Variants in LONP2 observed in about 807,000 individuals in gnomAD.
LONP2 encodes lon protease homolog 2, peroxisomal.
In LONP2, 60 loss-of-function variants were observed where a neutral mutation model predicts 85.6. That is an observed-to-expected ratio of 0.70 (90% CI 0.57 to 0.87). LONP2 has a LOEUF of 0.87. LONP2 is among the 40% of genes least tolerant of loss of function. The pLI is 0.00. For synonymous variants in LONP2, 395 were observed against 389.7 expected (o/e 1.01, Z -0.16); for missense variants, 860 against 1,063.5 (o/e 0.81, Z 2.66).
downstream of LONP2, among the ~76,000 whole-genome samples, chr16:48,359,318 T>C (rs1265142995): frequency 1.3e-5 from 2 of 152,206 alleles, no homozygotes; most frequent in African/African-American, 4.8e-5. Flanking sequence ...TGTAACCCTT[T>C]CACCATACAA....
In LONP2 at chr16:48,353,166, AAT is replaced by A. The variant is rs1960203215; in HGVS notation, c.*1368_*1369del. On this transcript the variant is annotated 3_prime_UTR_variant, in exon 15 of 15. Transcript: ENST00000285737. ...TGGACTTCAGAATCTTTTATTACAC[AAT>A]ATAAGAATATGTATGTAAAGACATT... 6.6e-6 allele frequency: 1 copy of A among 152,302 alleles called. No individual in the cohort carries two copies. Among genetic ancestry groups the A allele is most frequent in the Non-Finnish European group, 1.5e-5 (1 of 68,034 alleles). The allele number at this position is 152,302 out of a possible 1,614,324, so 9.4% of individuals were successfully genotyped here.
chr16:48,265,214 A>G (rs1971965678), intron 6 of LONP2, among the ~76,000 whole-genome samples: 1 of 152,004 alleles, frequency 6.6e-6, no homozygotes, highest in East Asian at 1.9e-4. Context: ...GAAGCTTTTC[A>G]GTTTGATATA....
chr16:48,307,826 T>C (rs956980941), intron 11 of LONP2, among the ~76,000 whole-genome samples: 2 of 152,242 alleles, frequency 1.3e-5, no homozygotes, highest in African/African-American at 4.8e-5. Context: ...AAAAGAGATT[T>C]GTTTGGGTCA....
chr16:48,263,075 A>G (rs933043751), intron 6 of LONP2, among the ~76,000 whole-genome samples: 7 of 152,248 alleles, frequency 4.6e-5, no homozygotes, highest in African/African-American at 1.7e-4. Flanking sequence ...GAGTTTCAGA[A>G]TAAGTATACA....
intron 11 of LONP2, among the ~76,000 whole-genome samples, chr16:48,330,834 C>A (rs1327344954): frequency 6.6e-6 from 1 of 152,178 alleles, no homozygotes; most frequent in Admixed American, 6.5e-5. Flanking sequence ...AATAACACAG[C>A]TGCTGTCCCT....
chr16:48,248,010 T>C (rs924335991), intron 1 of LONP2, among the ~76,000 whole-genome samples: 1 of 152,230 alleles, frequency 6.6e-6, no homozygotes, highest in Non-Finnish European at 1.5e-5. Flanking sequence ...TCTTAAAATA[T>C]AATTAAGGAA....
At chr16:48,265,120 C>A (rs2150972484) in intron 6 of LONP2, among the ~76,000 whole-genome samples, 1 of 152,246 alleles carries the variant, frequency 6.6e-6, no homozygotes, top group Admixed American at 6.5e-5. Context: ...ATATTAACCC[C>A]TTATCAGAAA....
chr16:48,340,971 A>G (rs1318346179), intron 12 of LONP2, among the ~76,000 whole-genome samples: 1 of 152,058 alleles, frequency 6.6e-6, no homozygotes, highest in Non-Finnish European at 1.5e-5. Context: ...AAGAGGTTTA[A>G]TTGGCTCACG....
chr16:48,320,082 C>T (rs1361572591), intron 11 of LONP2, among the ~76,000 whole-genome samples: 1 of 148,504 alleles, frequency 6.7e-6, no homozygotes, highest in Non-Finnish European at 1.5e-5. Context: ...ATCGCTTGAA[C>T]TTGGGGGGCG....
Position 48,356,852 on chromosome 16 carries a change from A to G in LONP2, c.*5050A>G, listed in dbSNP as rs1194452279. The G allele has an allele frequency of 5.5e-6, 1 of 181,760 alleles. No homozygotes were observed. Among genetic ancestry groups the G allele is most frequent in the African/African-American group, 2.4e-5 (1 of 42,194 alleles). The allele number at this position is 181,760 out of a possible 1,614,324, so 11.3% of individuals were successfully genotyped here. A position where few individuals can be genotyped will look rare whatever the true frequency, so the allele number is the denominator to read the frequency against. On this transcript the variant is annotated 3_prime_UTR_variant, in exon 15 of 15. Coordinates refer to ENST00000285737, the MANE Select transcript of LONP2 (RefSeq NM_031490.5). ...GACACTGTCAGCACATTTCTAGGCAATACAAACTCTTGAGGCTAAATCCTC... is the reference window on the plus strand; with the variant it reads ...GACACTGTCAGCACATTTCTAGGCAGTACAAACTCTTGAGGCTAAATCCTC...
chr16:48,292,253 A>G (rs1972570803), intron 8 of LONP2, among the ~76,000 whole-genome samples: 1 of 152,230 alleles, frequency 6.6e-6, no homozygotes, highest in Non-Finnish European at 1.5e-5. Context: ...ATGTGTAAAG[A>G]ATAAGCTATC....
intron 11 of LONP2, among the ~76,000 whole-genome samples, chr16:48,331,628 G>A (rs1388821668): frequency 2.0e-5 from 3 of 150,582 alleles, no homozygotes; most frequent in African/African-American, 4.9e-5. Context: ...GCAGTGGCGC[G>A]ATCTCCGCTC....
chr16:48,265,511 A>G (rs1971971367), intron 6 of LONP2, among the ~76,000 whole-genome samples: 1 of 151,156 alleles, frequency 6.6e-6, no homozygotes. Context: ...GCCCTTGTTG[A>G]AAATTGGTTG....
At chr16:48,329,953 C>T (rs879481152) in intron 11 of LONP2, among the ~76,000 whole-genome samples, 4 of 152,162 alleles carry the variant, frequency 2.6e-5, no homozygotes, top group African/African-American at 7.2e-5. Flanking sequence ...TTGTGTATTT[C>T]CCTAAGGATA....
At chr16:48,293,485 T>G (rs1567326905) in intron 8 of LONP2, among the ~76,000 whole-genome samples, 1 of 151,992 alleles carries the variant, frequency 6.6e-6, no homozygotes, top group Non-Finnish European at 1.5e-5. Flanking sequence ...CTCATGACGC[T>G]TATTAAAGGT....
chr16:48,299,699 G>A lies in LONP2; in HGVS notation c.1572G>A (p.Arg524=). Residue 524 remains arginine, a synonymous_variant, in exon 10 of 15, where the codon AGG becomes AGA. Coordinates refer to ENST00000285737, the MANE Select transcript of LONP2 (RefSeq NM_031490.5). The part of the protein sequence containing the change: ...TQEEKIEIAH[R]HLIPKQLEQH... Reference sequence around the variant, plus strand: ...AGGAGAAGATAGAGATTGCCCATAGGCACTTGATCCCCAAGCAGCTGGAAC... The same window carrying A: ...AGGAGAAGATAGAGATTGCCCATAGACACTTGATCCCCAAGCAGCTGGAAC... 6.2e-7 allele frequency: 1 copy of A among 1,613,818 alleles called. No individual in the cohort carries two copies. Among genetic ancestry groups the A allele is most frequent in the Non-Finnish European group, 8.5e-7 (1 of 1,179,872 alleles).
At chr16:48,277,917 A>C (rs1972247645) in intron 8 of LONP2, among the ~76,000 whole-genome samples, 2 of 144,394 alleles carry the variant, frequency 1.4e-5, no homozygotes, top group Non-Finnish European at 1.5e-5. Flanking sequence ...AGTTTTTGTC[A>C]TTTTCTATAG....
In LONP2 at chr16:48,256,660, T is replaced by C; in HGVS notation, c.519T>C (p.Arg173=). Residue 173 remains arginine (R), a synonymous_variant, in exon 3 of 15, where the codon CGT becomes CGC. Coordinates refer to ENST00000285737, the MANE Select transcript of LONP2 (RefSeq NM_031490.5). Reference sequence around the variant, plus strand: ...TCCCTGCAGTTGCTAAATTGAGACGTCTTTTAGATAGTCTTCCAAGGGAAG... The same window carrying C: ...TCCCTGCAGTTGCTAAATTGAGACGCCTTTTAGATAGTCTTCCAAGGGAAG... ...MSVPAVAKLR[R]LLDSLPREAL... 3 of 1,613,810 alleles carry C rather than the reference T, an allele frequency of 1.9e-6. No homozygotes were observed. The South Asian group carries it at 3.3e-5, about 18-fold the overall frequency.
intron 12 of LONP2, among the ~76,000 whole-genome samples, chr16:48,338,528 G>A (rs1443464038): frequency 6.6e-6 from 1 of 152,178 alleles, no homozygotes; most frequent in African/African-American, 2.4e-5. Flanking sequence ...TAGTAGTGCT[G>A]TTTACTGAGA....
Sources: allele counts gnomAD v4.1 joint callset (sites outside exome capture counted in the v4.1 genomes callset), GRCh38; gene constraint gnomAD v4.1.1; transcripts MANE v1.5; gene names NCBI Gene and HGNC (gene_info 2026-07-23, HGNC 2026-07-21).